CFTR: variants seen among roughly 807,000 people sequenced by gnomAD.
CFTR encodes the protein CF transmembrane conductance regulator, also known as cystic fibrosis transmembrane conductance regulator.
A neutral mutation model predicts 171.6 loss-of-function variants in CFTR; 181 were observed. The ratio of observed to expected loss-of-function variants is 1.05; its 90% CI spans 0.93 to 1.19. CFTR has a LOEUF of 1.19. Ranked by LOEUF, CFTR falls within the 50% of genes most tolerant of loss-of-function variation. The probability of loss-of-function intolerance (pLI) is 0.00; values close to 1 mark genes in which losing one functional copy is unlikely to be tolerated. For missense variants in CFTR, 1,968 were observed against 1,734.7 expected (o/e 1.13, Z -2.39); for synonymous variants, 583 against 608.0 (o/e 0.96, Z 0.60).
At chr7:117,661,522 A>G (rs1291299514) in intron 24 of CFTR, among the ~76,000 whole-genome samples, 2 of 152,180 alleles carry the variant, frequency 1.3e-5, no homozygotes, top group African/African-American at 4.8e-5. Flanking sequence ...TAGAGGGAGC[A>G]TACTGCATTC....
At chr7:117,564,931 G>T (rs940338213) in intron 11 of CFTR, 24 of 152,494 alleles carry the variant, frequency 1.6e-4, no homozygotes, top group African/African-American at 5.3e-4. Context: ...AGATAGTTCT[G>T]TGTTGATAGA....
rs531140793 is a variant in CFTR at position 117,482,513 on chromosome 7, C to T, written c.53+2366C>T. ...ATAAACATAATCTAAGAGAGAATTT[C>T]ACCATGAAAAATTCAGGTAGTTCAT... On this transcript the variant is annotated intron_variant, in intron 1 of 26. Coordinates refer to ENST00000003084, the MANE Select transcript of CFTR (RefSeq NM_000492.4). 2.6e-5 allele frequency among the ~76,000 whole-genome samples: 4 copies of T among 152,138 alleles called. No homozygotes were observed. The South Asian group carries it at 8.3e-4, about 32-fold the overall frequency.
At chr7:117,630,867 G>T (rs1792730313) in intron 22 of CFTR, among the ~76,000 whole-genome samples, 1 of 152,108 alleles carries the variant, frequency 6.6e-6, no homozygotes, top group African/African-American at 2.4e-5. Context: ...GGGTGCTCCA[G>T]GCAAAGGGCA....
chr7:117,653,949 C>CA (rs1162473777), intron 24 of CFTR, among the ~76,000 whole-genome samples: 1 of 152,000 alleles, frequency 6.6e-6, no homozygotes, highest in East Asian at 1.9e-4. Context: ...AGTCCCATTT[C>CA]AAAAAAGAGA....
intron 13 of CFTR, 24 bp downstream of exon 13, chr7:117,590,463 TA>T: frequency 6.3e-7 from 1 of 1,591,668 alleles, no homozygotes; most frequent in Non-Finnish European, 8.6e-7. Context: ...ATACCTTACT[TA>T]TAATGCTCAT....
At chr7:117,498,049 G>A (rs1798266628) in intron 1 of CFTR, among the ~76,000 whole-genome samples, 1 of 152,018 alleles carries the variant, frequency 6.6e-6, no homozygotes, top group Non-Finnish European at 1.5e-5. Context: ...TTTAATGTTT[G>A]GATTCATTAG....
At chr7:117,558,686 C>G (rs1799403728) in intron 10 of CFTR, among the ~76,000 whole-genome samples, 1 of 152,138 alleles carries the variant, frequency 6.6e-6, no homozygotes, top group South Asian at 2.1e-4. Context: ...ATTGTTAAAT[C>G]TGCTTATGCT....
rs57319132 is a variant in CFTR, at chr7:117,661,983, G to GAA, written c.3964-2683_3964-2682dup. Among the ~76,000 whole-genome samples the GAA allele has an allele frequency of 1.3e-3, 113 of 87,366 alleles. 1 individual carries two copies. The highest frequency in any genetic ancestry group is 5.6e-3 in the South Asian group (13 of 2,332). The allele number at this position is 87,366 out of a possible 152,430, so 57.3% of individuals were successfully genotyped here. On this transcript the variant is annotated intron_variant, in intron 24 of 26. Transcript: ENST00000003084. ...CCTTTTCTTGCTGGTTAATTTTACTGAAAAAAAAAAAAAAAAAAAAAAACC... is the reference window on the plus strand; with the variant it reads ...CCTTTTCTTGCTGGTTAATTTTACTGAAAAAAAAAAAAAAAAAAAAAAAAACC...
intron 11 of CFTR, among the ~76,000 whole-genome samples, chr7:117,565,406 G>T (rs1347598605): frequency 6.6e-6 from 1 of 152,186 alleles, no homozygotes; most frequent in African/African-American, 2.4e-5. Flanking sequence ...TCCCATGGCT[G>T]ACAGGAGGAG....
chr7:117,524,394 A>C (rs1798738980), intron 3 of CFTR, among the ~76,000 whole-genome samples: 1 of 146,052 alleles, frequency 6.8e-6, no homozygotes. Context: ...CTAGTCATGA[A>C]AAAAAAAAAA....
At chr7:117,642,113 A>G (rs1460230725) in intron 22 of CFTR, among the ~76,000 whole-genome samples, 1 of 152,208 alleles carries the variant, frequency 6.6e-6, no homozygotes, top group Non-Finnish European at 1.5e-5. Context: ...ATGTGCATGA[A>G]GACACTCTTT....
At chr7:117,485,443 A>G (rs1039183969) in intron 1 of CFTR, among the ~76,000 whole-genome samples, 2 of 152,174 alleles carry the variant, frequency 1.3e-5, no homozygotes, top group Non-Finnish European at 2.9e-5. Flanking sequence ...TTAATTTACA[A>G]ATATGTCAAG....
intron 15 of CFTR, among the ~76,000 whole-genome samples, chr7:117,595,495 T>C (rs1057315805): frequency 4.6e-5 from 7 of 150,572 alleles, no homozygotes; most frequent in Admixed American, 4.0e-4. Flanking sequence ...ATATTACATA[T>C]AAAATATATT....
intron 24 of CFTR, among the ~76,000 whole-genome samples, chr7:117,658,912 A>C (rs546930449): frequency 3.9e-5 from 6 of 152,098 alleles, no homozygotes; most frequent in African/African-American, 1.4e-4. Context: ...ACATCTGATC[A>C]CTTGTTTCTT....
intron 11 of CFTR, among the ~76,000 whole-genome samples, chr7:117,561,326 G>A (rs540267246): frequency 6.6e-6 from 1 of 151,468 alleles, no homozygotes; most frequent in Non-Finnish European, 1.5e-5. Context: ...TTTTCTGATT[G>A]CACGGGCAGC....
intron 21 of CFTR, among the ~76,000 whole-genome samples, chr7:117,618,334 C>T (rs1250904120): frequency 1.3e-5 from 2 of 151,996 alleles, no homozygotes; most frequent in African/African-American, 4.8e-5. Context: ...CCTAAAAATA[C>T]AAAAATTACC....
At chr7:117,612,376 A>G (rs1012405716) in intron 20 of CFTR, among the ~76,000 whole-genome samples, 3 of 151,940 alleles carry the variant, frequency 2.0e-5, no homozygotes, top group Admixed American at 6.6e-5. Flanking sequence ...AGACAGTGTC[A>G]CATTTTTCAA....
At chr7:117,587,324 G>T (rs1312884630) in intron 11 of CFTR, among the ~76,000 whole-genome samples, 1 of 152,076 alleles carries the variant, frequency 6.6e-6, no homozygotes, top group African/African-American at 2.4e-5. Context: ...TTCTTAGGAG[G>T]TTTGTTCATT....
In CFTR at chr7:117,592,677, G is replaced by C. The variant is rs764619165; in HGVS notation, c.2490+20G>C. ...TTAAAGGTAGGTATACATCGCTTGG[G>C]GGTATTTCACCCCACAGAATGCAAT... On this transcript the variant is annotated intron_variant, in intron 14 of 26. Transcript: ENST00000003084. 1.3e-6 allele frequency: 2 copies of C among 1,497,110 alleles called. No individual in the cohort carries two copies. Among genetic ancestry groups the C allele is most frequent in the Non-Finnish European group, 1.8e-6 (2 of 1,128,948 alleles). 92.7% of individuals were successfully genotyped at this position (1,497,110 alleles called of 1,614,324 possible). A position where few individuals can be genotyped will look rare whatever the true frequency, so the allele number is the denominator to read the frequency against.
Sources: allele counts gnomAD v4.1 joint callset (sites outside exome capture counted in the v4.1 genomes callset), GRCh38; gene constraint gnomAD v4.1.1; transcripts MANE v1.5; gene names NCBI Gene and HGNC (gene_info 2026-07-23, HGNC 2026-07-21).